The following ABCB11 variants were observed in gnomAD, a reference collection of about 807,000 sequenced individuals.
ABCB11 encodes ATP binding cassette subfamily B member 11.
ABCB11 carries 95 observed loss-of-function variants against 148.0 expected under a neutral mutation model. That is an observed-to-expected ratio of 0.64 (90% CI 0.54 to 0.76). ABCB11 has a LOEUF of 0.76. ABCB11 is among the 30% of genes least tolerant of loss of function. The pLI is 0.00. For missense variants in ABCB11, 1,523 were observed against 1,617.8 expected (o/e 0.94, Z 1.01); for synonymous variants, 591 against 555.4 (o/e 1.06, Z -0.90).
At position 168,996,664 on chromosome 2, in the gene ABCB11, C is replaced by T; in HGVS notation, c.448G>A (p.Val150Ile). The T allele has an allele frequency of 6.4e-7, 1 of 1,568,248 alleles. No individual in the cohort carries two copies. Among genetic ancestry groups the T allele is most frequent in the Non-Finnish European group, 8.7e-7 (1 of 1,154,122 alleles). ...KFASYYAGIA[V>I]AVLITGYIQI... ...ATATATCCTGTGATAAGTACTGCGA[C>T]AGCAATTCCAGCATAGTAACTGGCA... is the stretch of plus-strand genomic sequence containing the variant. The change falls in exon 6 of 28, where the codon GTC becomes ATC. Residue 150 changes from valine (V) to isoleucine (I), a missense_variant. Transcript: ENST00000650372.
At chr2:169,017,929 C>A (rs780472692) in intron 2 of ABCB11, 121 bp downstream of exon 2, 18 of 839,978 alleles carry the variant, frequency 2.1e-5, no homozygotes, top group Non-Finnish European at 3.1e-5. Context: ...GAATCACACA[C>A]AATGATACTT....
intron 1 of ABCB11, among the ~76,000 whole-genome samples, chr2:169,021,431 G>A (rs1695536541): frequency 6.6e-6 from 1 of 151,908 alleles, no homozygotes; most frequent in Non-Finnish European, 1.5e-5. Flanking sequence ...TATAATAAAG[G>A]ACATATAATA....
rs13404228 is a variant in ABCB11, at chr2:168,964,588, A to G, written c.2076-280T>C. ...AAGAGAAAGGGAGCAAAGCTGTCCT[A>G]CCAGTTCATCAAAAAACCACCTAAG... On this transcript the variant is annotated intron_variant, in intron 17 of 27. Transcript: ENST00000650372. Among the ~76,000 whole-genome samples the G allele has an allele frequency of 0.11, 16,549 of 150,676 alleles. 2,969 individuals carry two copies. Among genetic ancestry groups the G allele is most frequent in the African/African-American group, 0.38 (15,526 of 40,362 alleles).
chr2:169,006,680 A>C (rs1463227533), intron 5 of ABCB11, among the ~76,000 whole-genome samples: 1 of 152,168 alleles, frequency 6.6e-6, no homozygotes, highest in Non-Finnish European at 1.5e-5. Flanking sequence ...CCACTAAAAA[A>C]CTATTGAACT....
intron 21 of ABCB11, among the ~76,000 whole-genome samples, chr2:168,942,955 A>G (rs1448242748): frequency 6.6e-6 from 1 of 151,950 alleles, no homozygotes; most frequent in Non-Finnish European, 1.5e-5. Context: ...TTTCTATCCA[A>G]CTTCAAGAAA....
chr2:169,026,875 A>G (rs1695713469), intron 1 of ABCB11, among the ~76,000 whole-genome samples: 1 of 152,116 alleles, frequency 6.6e-6, no homozygotes, highest in Admixed American at 6.5e-5. Flanking sequence ...ATGATTTAAG[A>G]GTACCATGGT....
In ABCB11 at chr2:168,958,006, T is replaced by G; in HGVS notation, c.2301A>C (p.Thr767=). 6.2e-7 allele frequency: 1 copy of G among 1,608,450 alleles called. No individual in the cohort carries two copies. Among genetic ancestry groups the G allele is most frequent in the Non-Finnish European group, 8.5e-7 (1 of 1,176,068 alleles). Residue 767 remains threonine, a synonymous_variant, in exon 19 of 28, where the codon ACA becomes ACC. Coordinates refer to ENST00000650372, the MANE Select transcript of ABCB11 (RefSeq NM_003742.4). The part of the protein sequence containing the change: ...VGSVGAAVNG[T]VTPLYAFLFS... ...ATAAAAAGGCATACAAGGGTGTGAC[T>G]GTCCCGTTCACAGCTGCACCCACAG...
At position 168,967,484 on chromosome 2, in the gene ABCB11, A is replaced by G. The variant is rs72886793; in HGVS notation, c.2075+943T>C. Among the ~76,000 whole-genome samples, 1,351 of 152,060 alleles carry G rather than the reference A, an allele frequency of 8.9e-3. 11 individuals are homozygous for G. Among genetic ancestry groups the G allele is most frequent in the Non-Finnish European group, 0.014 (926 of 67,892 alleles). ...AGCTATTCTTTGAATATTTAAATGA[A>G]TAAATCTGCGTTTGAACTACTTGGA... On this transcript the variant is annotated intron_variant, in intron 17 of 27. Transcript: ENST00000650372.
intron 5 of ABCB11, among the ~76,000 whole-genome samples, chr2:169,007,100 A>T (rs1695041612): frequency 6.6e-6 from 1 of 152,172 alleles, no homozygotes; most frequent in South Asian, 2.1e-4. Context: ...TGATTTCAAA[A>T]CTTACTATAA....
intron 1 of ABCB11, among the ~76,000 whole-genome samples, chr2:169,026,137 G>C (rs978404010): frequency 1.3e-5 from 2 of 152,208 alleles, no homozygotes; most frequent in Non-Finnish European, 2.9e-5. Flanking sequence ...AAGTAACTTT[G>C]AGGTTGGTAC....
chr2:168,917,835 C>T (rs1168185923), downstream of ABCB11, among the ~76,000 whole-genome samples: 1 of 152,292 alleles, frequency 6.6e-6, no homozygotes, highest in Non-Finnish European at 1.5e-5. Context: ...ATAGTAGCCA[C>T]TAGTGGCTCT....
At chr2:169,024,890 G>A (rs1440542407) in intron 1 of ABCB11, among the ~76,000 whole-genome samples, 1 of 152,062 alleles carries the variant, frequency 6.6e-6, no homozygotes, top group Non-Finnish European at 1.5e-5. Context: ...TATGAGGCTG[G>A]TTTAAAATAT....
chr2:168,950,226 G>A (rs1360425080), intron 19 of ABCB11, among the ~76,000 whole-genome samples: 2 of 151,152 alleles, frequency 1.3e-5, no homozygotes, highest in African/African-American at 4.9e-5. Flanking sequence ...GTGTATATGT[G>A]TGTGTGTATA....
chr2:168,971,941 T>G lies in ABCB11; in HGVS notation c.1544A>C (p.Asn515Thr), dbSNP rs1384260935. 1 of 1,613,112 alleles carries G rather than the reference T, an allele frequency of 6.2e-7. No individual in the cohort carries two copies. The highest frequency in any genetic ancestry group is 8.5e-7 in the Non-Finnish European group (1 of 1,179,408). ...PVLFSTTIAE[N>T]IRYGREDATM... ...TGCATCTTCTCTGCCATAGCGAATA[T>G]TTTCTGCAATGGTGGTAGAGAACAG... The change falls in exon 14 of 28, where the codon AAT becomes ACT. Residue 515 changes from asparagine to threonine, a missense_variant. Transcript: ENST00000650372.
chr2:169,023,912 T>C (rs1399051713), intron 1 of ABCB11, among the ~76,000 whole-genome samples: 1 of 152,184 alleles, frequency 6.6e-6, no homozygotes, highest in Non-Finnish European at 1.5e-5. Flanking sequence ...GGGTTTAAGA[T>C]ACGATAAAGT....
In ABCB11 at chr2:168,921,205, T is replaced by C. The variant is rs1165138027; in HGVS notation, c.*2417A>G. Among the ~76,000 whole-genome samples the C allele has an allele frequency of 1.3e-5, 2 of 152,236 alleles. No individual in the cohort carries two copies. The highest frequency in any genetic ancestry group is 2.4e-5 in the African/African-American group (1 of 41,466). On this transcript the variant is annotated 3_prime_UTR_variant, in exon 28 of 28. Coordinates refer to ENST00000650372, the MANE Select transcript of ABCB11 (RefSeq NM_003742.4). ...CGTCTGCCTCCTGACTTGGCAACCA[T>C]CAAGAATTCTGGCCTGACCAGTTAA...
chr2:168,939,766 C>G (rs1318771363), intron 21 of ABCB11, among the ~76,000 whole-genome samples: 1 of 152,076 alleles, frequency 6.6e-6, no homozygotes, highest in African/African-American at 2.4e-5. Context: ...AGGTTTGTGG[C>G]AACCCTGTAT....
At chr2:168,988,062 T>C (rs1033002080) in intron 9 of ABCB11, among the ~76,000 whole-genome samples, 1 of 152,140 alleles carries the variant, frequency 6.6e-6, no homozygotes, top group African/African-American at 2.4e-5. Context: ...TGTGATGTTA[T>C]TAACCATAGT....
intron 9 of ABCB11, among the ~76,000 whole-genome samples, chr2:168,988,205 AT>A (rs1694392031): frequency 6.6e-6 from 1 of 152,092 alleles, no homozygotes; most frequent in African/African-American, 2.4e-5. Context: ...TATTTTTAAA[AT>A]ATCTCAAACT....
Sources: gnomAD v4.1 joint callset for allele counts (sites outside exome capture counted in the v4.1 genomes callset) on GRCh38, gnomAD v4.1.1 for gene constraint, MANE v1.5 for transcripts, NCBI Gene and HGNC (gene_info 2026-07-23, HGNC 2026-07-21) for gene names.